EML6: variants seen among roughly 807,000 people sequenced by gnomAD.
EML6 encodes EMAP like 6, also known as echinoderm microtubule-associated protein-like 6.
A neutral mutation model predicts 240.1 loss-of-function variants in EML6; 154 were observed. The ratio of observed to expected loss-of-function variants is 0.64; its 90% CI spans 0.56 to 0.73. The LOEUF (loss-of-function observed/expected upper bound fraction) is 0.73. Ranked by LOEUF, EML6 falls within the 30% of genes least tolerant of loss-of-function variation. EML6 has a pLI of 0.00. For missense variants in EML6, 2,964 were observed against 2,474.6 expected (o/e 1.20, Z -4.20); for synonymous variants, 1,148 against 899.0 (o/e 1.28, Z -4.95).
intron 2 of EML6, among the ~76,000 whole-genome samples, chr2:54,797,286 A>C (rs1050586699): frequency 6.6e-6 from 1 of 152,060 alleles, no homozygotes; most frequent in Admixed American, 6.5e-5. Context: ...TGAAGACCAT[A>C]CTTTGAGTAG....
chr2:54,931,044 G>T (rs1355007647), intron 28 of EML6, among the ~76,000 whole-genome samples: 3 of 132,062 alleles, frequency 2.3e-5, no homozygotes, highest in Non-Finnish European at 3.2e-5. Flanking sequence ...TGCAAGCTCC[G>T]CCTCCCGGGT....
intron 2 of EML6, among the ~76,000 whole-genome samples, chr2:54,801,840 C>G (rs1386979174): frequency 6.6e-6 from 1 of 152,212 alleles, no homozygotes; most frequent in African/African-American, 2.4e-5. Context: ...CATCACTTCT[C>G]AGAATGGCAC....
chr2:54,771,853 A>C (rs1193843534), intron 2 of EML6, among the ~76,000 whole-genome samples: 1 of 152,268 alleles, frequency 6.6e-6, no homozygotes, highest in Non-Finnish European at 1.5e-5. Context: ...AGAAGATTAG[A>C]ATTAAATTGA....
At chr2:54,756,147 C>G (rs757499286) in intron 2 of EML6, among the ~76,000 whole-genome samples, 2 of 152,078 alleles carry the variant, frequency 1.3e-5, no homozygotes, top group African/African-American at 2.4e-5. Context: ...TGCTTACCCT[C>G]TGGGCTCTGC....
At chr2:54,906,641 A>AT (rs1371482713) in intron 24 of EML6, among the ~76,000 whole-genome samples, 1 of 152,138 alleles carries the variant, frequency 6.6e-6, no homozygotes, top group African/African-American at 2.4e-5. Flanking sequence ...CTTTCTGTGG[A>AT]TTGAGAGTAG....
At chr2:54,873,001 G>C (rs564579708) in intron 16 of EML6, among the ~76,000 whole-genome samples, 12 of 152,280 alleles carry the variant, frequency 7.9e-5, no homozygotes, top group African/African-American at 2.9e-4. Context: ...GAGCCCATCT[G>C]TCTGGTCCCC....
At chr2:54,968,633 G>A in intron 40 of EML6, 35 bp from the exon 41 acceptor site, 1 of 1,262,272 alleles carries the variant, frequency 7.9e-7, no homozygotes, top group Non-Finnish European at 1.1e-6. Context: ...AGGAGCCAGG[G>A]TCTCTTAGCT....
chr2:54,844,315 T>C (rs1033959688), intron 8 of EML6, 67 bp downstream of exon 8: 12 of 1,258,792 alleles, frequency 9.5e-6, no homozygotes, highest in South Asian at 9.0e-5. Flanking sequence ...AATTTGCTTA[T>C]TAATAGAAGG....
chr2:54,846,447 ATATATT>A (rs1303822166), intron 8 of EML6, among the ~76,000 whole-genome samples: 2 of 150,692 alleles, frequency 1.3e-5, no homozygotes, highest in African/African-American at 4.9e-5. Context: ...TTGTGTTGAT[ATATATT>A]TATATTGAGA....
chr2:54,953,910 ACATGAACATAAG>A lies in EML6; in HGVS notation c.4313-69_4313-58del, dbSNP rs542602024. On this transcript the variant is annotated intron_variant, in intron 31 of 41. Coordinates refer to ENST00000356458, the MANE Select transcript of EML6 (RefSeq NM_001039753.4). ...TAAAAAAAAAAAAAAAAAGGCTTTT[ACATGAACATAAG>A]CATCGCCTTGGCTCTGCCATTTGTC... 1.3e-3 allele frequency: 1,550 copies of A among 1,173,108 alleles called. 14 individuals are homozygous for A. Among genetic ancestry groups the A allele is most frequent in the South Asian group, 0.011 (633 of 60,252 alleles). The allele number at this position is 1,173,108 out of a possible 1,614,324, so 72.7% of individuals were successfully genotyped here. A position where few individuals can be genotyped will look rare whatever the true frequency, so the allele number is the denominator to read the frequency against.
chr2:54,845,541 A>C (rs1669705610), intron 8 of EML6, among the ~76,000 whole-genome samples: 1 of 152,238 alleles, frequency 6.6e-6, no homozygotes, highest in African/African-American at 2.4e-5. Context: ...AAAATTTAGG[A>C]AGGCTAAAAG....
At position 54,847,738 on chromosome 2, in the gene EML6, A is replaced by AG. The variant is rs372015305; in HGVS notation, c.1187+117dup. The AG allele has an allele frequency of 6.6e-5, 74 of 1,121,484 alleles. 1 individual carries two copies. Among genetic ancestry groups the AG allele is most frequent in the South Asian group, 2.0e-4 (13 of 64,520 alleles). The allele number at this position is 1,121,484 out of a possible 1,614,324, so 69.5% of individuals were successfully genotyped here. A position where few individuals can be genotyped will look rare whatever the true frequency, so the allele number is the denominator to read the frequency against. The stretch of plus-strand genomic sequence containing the variant: ...GAAAAATCCATTTAGCCATTCAAAT[A>AG]GGAATACTATAGATCTACGATCCCC... On this transcript the variant is annotated intron_variant, in intron 9 of 41. Coordinates refer to ENST00000356458, the MANE Select transcript of EML6 (RefSeq NM_001039753.4).
chr2:54,776,354 T>C (rs1194695143), intron 2 of EML6, among the ~76,000 whole-genome samples: 1 of 152,146 alleles, frequency 6.6e-6, no homozygotes, highest in Non-Finnish European at 1.5e-5. Flanking sequence ...GCTCGGTACC[T>C]TCGTGTTGGG....
chr2:54,963,039 C>T (rs1410676881), intron 36 of EML6, among the ~76,000 whole-genome samples: 1 of 150,896 alleles, frequency 6.6e-6, no homozygotes, highest in African/African-American at 2.4e-5. Context: ...TGTCAAAATC[C>T]CAACAAGGTT....
intron 34 of EML6, among the ~76,000 whole-genome samples, 170 bp downstream of exon 34, chr2:54,959,431 C>G (rs1012797285): frequency 6.6e-6 from 1 of 152,180 alleles, no homozygotes; most frequent in African/African-American, 2.4e-5. Flanking sequence ...AAGATCCTCA[C>G]AAGGAAGAGA....
Position 54,725,890 on chromosome 2 carries a change from A to G in EML6, c.197+632A>G, listed in dbSNP as rs997073256. On this transcript the variant is annotated intron_variant, in intron 2 of 41. Transcript: ENST00000356458. The surrounding 1 kb of genome is among the most constrained non-coding windows in gnomAD (Gnocchi z 4.3). ...AAAGGCTGGCAGCTGCTGGATCACA[A>G]AATCCTACCAGCCAGCCCACACAAT... Among the ~76,000 whole-genome samples, 1 of 152,184 alleles carries G rather than the reference A, an allele frequency of 6.6e-6. No homozygotes were observed. Among genetic ancestry groups the G allele is most frequent in the Non-Finnish European group, 1.5e-5 (1 of 68,034 alleles).
At chr2:54,883,255 A>G (rs368277231) in intron 17 of EML6, among the ~76,000 whole-genome samples, 24 of 152,204 alleles carry the variant, frequency 1.6e-4, no homozygotes, top group African/African-American at 5.3e-4. Context: ...CATGTGGAGT[A>G]TTGTACATAT....
intron 2 of EML6, among the ~76,000 whole-genome samples, chr2:54,750,581 C>T (rs1442012057): frequency 1.3e-5 from 2 of 152,194 alleles, no homozygotes; most frequent in South Asian, 2.1e-4. Context: ...CTTAGACTCT[C>T]CCTTTCTCCA....
At chr2:54,814,576 C>CTTCAA (rs879607689) in intron 3 of EML6, among the ~76,000 whole-genome samples, 2 of 152,138 alleles carry the variant, frequency 1.3e-5, no homozygotes, top group African/African-American at 4.8e-5. Context: ...CTGTTAATTC[C>CTTCAA]TTCAATCTAA....
Sources: allele counts gnomAD v4.1 joint callset (sites outside exome capture counted in the v4.1 genomes callset), GRCh38; gene constraint gnomAD v4.1.1; non-coding constraint Gnocchi (gnomAD v3.1); transcripts MANE v1.5; gene names NCBI Gene and HGNC (gene_info 2026-07-23, HGNC 2026-07-21).